The following ACSBG1 variants were observed in gnomAD, a reference collection of about 807,000 sequenced individuals.
The protein encoded by ACSBG1 is acyl-CoA synthetase bubblegum family member 1.
Under a neutral mutation model 80.2 loss-of-function variants are expected in ACSBG1, and 39 were observed. The ratio of observed to expected loss-of-function variants is 0.49; its 90% CI spans 0.38 to 0.64. The LOEUF (loss-of-function observed/expected upper bound fraction) is 0.64. Among genes scored for constraint, ACSBG1 ranks in the 30% least tolerant of loss-of-function variants. The pLI is 0.00. For synonymous variants in ACSBG1, 392 were observed against 379.5 expected, an observed-to-expected ratio of 1.03 and a Z score of -0.38; for missense variants, 828 against 966.4, an observed-to-expected ratio of 0.86 and a Z score of 1.90.
At chr15:78,179,495 A>G in intron 10 of ACSBG1, 55 bp downstream of exon 10, 2 of 1,531,836 alleles carry the variant, frequency 1.3e-6, no homozygotes, top group South Asian at 1.2e-5. Flanking sequence ...AGGCGGGCAC[A>G]AAGTACCAGC....
chr15:78,224,404 C>T (rs2075383567), intron 1 of ACSBG1, among the ~76,000 whole-genome samples: 1 of 152,168 alleles, frequency 6.6e-6, no homozygotes, highest in South Asian at 2.1e-4. Context: ...AACACCTTCA[C>T]TACAAAAAAT....
At chr15:78,193,090 A>C (rs2075070631) in intron 5 of ACSBG1, among the ~76,000 whole-genome samples, 1 of 145,626 alleles carries the variant, frequency 6.9e-6, no homozygotes, top group Non-Finnish European at 1.5e-5. Context: ...AGCCCTCACC[A>C]CCCCCCATCA....
At chr15:78,222,452 G>A (rs2075366504) in intron 1 of ACSBG1, among the ~76,000 whole-genome samples, 2 of 152,178 alleles carry the variant, frequency 1.3e-5, no homozygotes, top group East Asian at 3.9e-4. Context: ...TCACTTGAGG[G>A]CAGGAGTTCA....
intron 8 of ACSBG1, among the ~76,000 whole-genome samples, chr15:78,181,238 A>G (rs556358658): frequency 6.6e-6 from 1 of 152,298 alleles, no homozygotes; most frequent in South Asian, 2.1e-4. Flanking sequence ...CCTCGGCAGC[A>G]TATGGTTTGA....
At chr15:78,224,822 G>A (rs2075387259) in intron 1 of ACSBG1, among the ~76,000 whole-genome samples, 1 of 152,072 alleles carries the variant, frequency 6.6e-6, no homozygotes, top group East Asian at 1.9e-4. Flanking sequence ...AATATATTGG[G>A]AATAAAATAA....
intron 1 of ACSBG1, among the ~76,000 whole-genome samples, chr15:78,208,599 G>A (rs1241411270): frequency 1.3e-5 from 2 of 151,652 alleles, no homozygotes; most frequent in East Asian, 3.9e-4. Flanking sequence ...GGGCTCTCAG[G>A]GGTCCTATTC....
chr15:78,199,697 A>G (rs1043977874), intron 2 of ACSBG1, among the ~76,000 whole-genome samples: 3 of 143,892 alleles, frequency 2.1e-5, no homozygotes, highest in African/African-American at 7.8e-5. Flanking sequence ...AGGTCTTGCT[A>G]TGTTGCCCAG....
chr15:78,233,167 C>A (rs2075462553), intron 1 of ACSBG1, among the ~76,000 whole-genome samples: 1 of 152,196 alleles, frequency 6.6e-6, no homozygotes, highest in African/African-American at 2.4e-5. Flanking sequence ...GTGCACCTGA[C>A]CTATGCCCAG....
At chr15:78,206,725 C>A (rs1313403249) in intron 2 of ACSBG1, among the ~76,000 whole-genome samples, 1 of 152,236 alleles carries the variant, frequency 6.6e-6, no homozygotes, top group East Asian at 1.9e-4. Flanking sequence ...TGTTTAAAAC[C>A]TGCCCATGCT....
At chr15:78,183,156 G>A (rs1273927439) in intron 5 of ACSBG1, among the ~76,000 whole-genome samples, 2 of 152,244 alleles carry the variant, frequency 1.3e-5, no homozygotes, top group Admixed American at 6.5e-5. Flanking sequence ...TGTGCAGAGA[G>A]TGAGTGGTTT....
rs764920555 is a variant in ACSBG1, at chr15:78,179,672, G to C, written c.1362C>G (p.Pro454=). The C allele has an allele frequency of 5.0e-6, 8 of 1,614,172 alleles. No individual in the cohort carries two copies. The East Asian group carries it at 1.8e-4, about 36-fold the overall frequency. Residue 454 remains proline (P), a synonymous_variant, in exon 10 of 14, where the codon CCC becomes CCG. Coordinates refer to ENST00000258873, the MANE Select transcript of ACSBG1 (RefSeq NM_015162.5). ...KCQKNFYGAA[P]MMAETQHFFL... is the part of the protein sequence containing the mutation. ...AGAAGTGCTGTGTCTCTGCCATCAT[G>C]GGGGCCGCTCCATAGAAGTTCTTTT...
Position 78,171,382 on chromosome 15 carries a change from C to G in ACSBG1, c.*62G>C. Reference sequence around the variant, plus strand: ...GTGCCCAGACTGAAGAGACCTGGGGCTCAGGAAGAGGCTCGGAACGCCTGC... The same window carrying G: ...GTGCCCAGACTGAAGAGACCTGGGGGTCAGGAAGAGGCTCGGAACGCCTGC... On this transcript the variant is annotated 3_prime_UTR_variant, in exon 14 of 14. Transcript: ENST00000258873. 1 of 1,427,766 alleles carries G rather than the reference C, an allele frequency of 7.0e-7. No individual in the cohort carries two copies. Among genetic ancestry groups the G allele is most frequent in the Admixed American group, 1.7e-5 (1 of 57,314 alleles). 88.4% of individuals were successfully genotyped at this position (1,427,766 alleles called of 1,614,324 possible).
At chr15:78,228,089 C>T (rs911106928) in intron 1 of ACSBG1, among the ~76,000 whole-genome samples, 1 of 152,170 alleles carries the variant, frequency 6.6e-6, no homozygotes, top group Non-Finnish European at 1.5e-5. Flanking sequence ...TACAGCTGCT[C>T]GGGGCCAGAG....
intron 1 of ACSBG1, among the ~76,000 whole-genome samples, chr15:78,233,706 G>A (rs532715327): frequency 2.0e-5 from 3 of 152,302 alleles, no homozygotes; most frequent in South Asian, 2.1e-4. Flanking sequence ...GCGTGTGCGC[G>A]TGCGCCTGCC....
In ACSBG1 at chr15:78,180,819, G is replaced by A. The variant is rs781699204; in HGVS notation, c.1189C>T (p.Arg397Trp). ...QEVAAQSGFI[R>W]RKMLLWAMSV... ...ATGGCCCACAGCAGCATCTTTCGCCGGATGAAGCCAGACTGAGCCGCCACC... is the reference window on the plus strand; with the variant it reads ...ATGGCCCACAGCAGCATCTTTCGCCAGATGAAGCCAGACTGAGCCGCCACC... Residue 397 changes from arginine (R) to tryptophan (W), a missense_variant, in exon 9 of 14, where the codon CGG (arginine) becomes TGG (tryptophan). Around this residue, in one of 3 missense-constraint regions of ACSBG1, gnomAD observed 271 missense variants for 375.9 expected, o/e 0.72. Transcript: ENST00000258873. 57 of 1,614,202 alleles carry A rather than the reference G, an allele frequency of 3.5e-5. No homozygotes were observed. Among genetic ancestry groups the A allele is most frequent in the South Asian group, 2.1e-4 (19 of 91,078 alleles).
Position 78,194,651 on chromosome 15 carries a change from T to C in ACSBG1, c.308A>G (p.Tyr103Cys). Reference protein sequence around the residue: ...RIDPSCPQLPYTVHRMFYEAL... With the variant: ...RIDPSCPQLPCTVHRMFYEAL... The stretch of plus-strand genomic sequence containing the variant: ...CTCGTAGAACATCCGATGCACAGTG[T>C]AGGGAAGCTGTGGGCAGCTGGGGTC... Residue 103 changes from tyrosine (Y) to cysteine (C), a missense_variant, in exon 3 of 14, where the codon TAC becomes TGC. By Grantham distance (194) the Tyr-to-Cys change is radical. Coordinates refer to ENST00000258873, the MANE Select transcript of ACSBG1 (RefSeq NM_015162.5). The C allele has an allele frequency of 6.2e-7, 1 of 1,614,200 alleles. No individual in the cohort carries two copies. Among genetic ancestry groups the C allele is most frequent in the Non-Finnish European group, 8.5e-7 (1 of 1,180,034 alleles).
intron 2 of ACSBG1, among the ~76,000 whole-genome samples, chr15:78,201,690 C>T (rs985150033): frequency 1.2e-4 from 19 of 152,228 alleles, no homozygotes; most frequent in Non-Finnish European, 2.2e-4. Context: ...CTGCTCACAC[C>T]GTGTCCTCTG....
intron 1 of ACSBG1, among the ~76,000 whole-genome samples, chr15:78,234,002 G>A (rs965189027): frequency 6.6e-6 from 1 of 152,176 alleles, no homozygotes; most frequent in African/African-American, 2.4e-5. Context: ...GGAACCTCTG[G>A]GTCCCCACCA....
intron 2 of ACSBG1, among the ~76,000 whole-genome samples, chr15:78,203,741 C>G (rs572218141): frequency 1.3e-5 from 2 of 152,358 alleles, no homozygotes; most frequent in African/African-American, 4.8e-5. Flanking sequence ...TTTCCGTGGT[C>G]TGTGGGAAAG....
Sources: allele counts gnomAD v4.1 joint callset (sites outside exome capture counted in the v4.1 genomes callset), GRCh38; gene constraint gnomAD v4.1.1; regional missense constraint gnomAD v4.1.1; transcripts MANE v1.5; gene names NCBI Gene and HGNC (gene_info 2026-07-23, HGNC 2026-07-21).